The following HS1BP3 variants were observed in gnomAD, a reference collection of about 807,000 sequenced individuals.
The protein encoded by HS1BP3 is HCLS1-binding protein 3.
Under a neutral mutation model 33.5 loss-of-function variants are expected in HS1BP3, and 32 were observed. That is an observed-to-expected ratio of 0.95 (90% CI 0.72 to 1.28). The LOEUF is 1.28. Among genes scored for constraint, HS1BP3 ranks in the 50% most tolerant of loss-of-function variants. HS1BP3 has a pLI of 0.00. For synonymous variants in HS1BP3, 187 were observed against 209.2 expected, an observed-to-expected ratio of 0.89 and a Z score of 0.92; for missense variants, 486 against 502.3, an observed-to-expected ratio of 0.97 and a Z score of 0.31.
In HS1BP3 at chr2:20,611,679, A is replaced by T. The variant is rs1262776055; in HGVS notation, c.178+12217T>A. ...CATGACCCACCTGGATCCAGTCCCCAGTCACATACCAGGGCCCCCTGGACA... is the reference window on the plus strand; with the variant it reads ...CATGACCCACCTGGATCCAGTCCCCTGTCACATACCAGGGCCCCCTGGACA... On this transcript the variant is annotated intron_variant, in intron 2 of 3. Transcript: ENST00000415264. The surrounding 1 kb of genome is among the most constrained non-coding windows in gnomAD (Gnocchi z 4.9). 6.6e-6 allele frequency among the ~76,000 whole-genome samples: 1 copy of T among 152,128 alleles called. No homozygotes were observed. Among genetic ancestry groups the T allele is most frequent in the Non-Finnish European group, 1.5e-5 (1 of 68,014 alleles).
rs142226229 is a variant in HS1BP3, at chr2:20,641,461, G to A, written c.199-281C>T. On this transcript the variant is annotated intron_variant, in intron 2 of 6. Coordinates refer to ENST00000304031, the MANE Select transcript of HS1BP3 (RefSeq NM_022460.4). The stretch of plus-strand genomic sequence containing the variant: ...TCCAGTTAACAAGATTTGATACAGG[G>A]ACCCCTGCCCAGCCTGCACGTGATC... 1.2e-3 allele frequency among the ~76,000 whole-genome samples: 189 copies of A among 152,248 alleles called. 1 individual carries two copies. Among genetic ancestry groups the A allele is most frequent in the African/African-American group, 4.3e-3 (180 of 41,532 alleles).
At chr2:20,579,729 G>A (rs1418155698) in intron 5 of HS1BP3, among the ~76,000 whole-genome samples, 1 of 152,186 alleles carries the variant, frequency 6.6e-6, no homozygotes, top group Non-Finnish European at 1.5e-5. Context: ...CTCCCTCCAG[G>A]ACCAGGGCCT....
intron 3 of HS1BP3, chr2:20,640,724 G>T: frequency 1.6e-6 from 1 of 606,354 alleles, no homozygotes; most frequent in Admixed American, 3.0e-5. Context: ...GCCATGGATG[G>T]GGTCACACTA....
chr2:20,635,739 T>C (rs1470603020), intron 4 of HS1BP3: 2 of 152,174 alleles, frequency 1.3e-5, no homozygotes, highest in Non-Finnish European at 2.9e-5. Context: ...GTTGCATGGA[T>C]GCTGCTGGGA....
chr2:20,581,967 A>T (rs1693544692), intron 5 of HS1BP3, among the ~76,000 whole-genome samples: 1 of 152,224 alleles, frequency 6.6e-6, no homozygotes, highest in Non-Finnish European at 1.5e-5. Flanking sequence ...TCGACTCAGG[A>T]AGAGCCCAGT....
At chr2:20,595,401 G>A (rs1050748335) in intron 3 of HS1BP3, among the ~76,000 whole-genome samples, 3 of 152,168 alleles carry the variant, frequency 2.0e-5, no homozygotes, top group Non-Finnish European at 4.4e-5. Context: ...CTCACCAGGA[G>A]CAGAACCCTA....
intron 5 of HS1BP3, among the ~76,000 whole-genome samples, chr2:20,582,150 AT>A (rs1280800398): frequency 2.6e-5 from 4 of 152,198 alleles, no homozygotes; most frequent in African/African-American, 9.7e-5. Flanking sequence ...CAAGGAGAGG[AT>A]TTATGCAGGG....
intron 2 of HS1BP3, chr2:20,606,772 C>G (rs1558331975): frequency 5.0e-6 from 1 of 201,316 alleles, no homozygotes; most frequent in Non-Finnish European, 1.0e-5. Flanking sequence ...GAATAAATGC[C>G]TATGTAAATC....
At chr2:20,598,380 C>G in intron 2 of HS1BP3, 1 of 207,540 alleles carries the variant, frequency 4.8e-6, no homozygotes, top group South Asian at 6.4e-5. Flanking sequence ...GCTCGCACTC[C>G]TGTGAGAATC....
At chr2:20,623,843 T>C in intron 6 of HS1BP3, 53 bp downstream of exon 6, 1 of 1,554,980 alleles carries the variant, frequency 6.4e-7, no homozygotes, top group South Asian at 1.2e-5. Context: ...GGCCCTTGGC[T>C]CTGTCCAGAA....
At chr2:20,640,559 G>C (rs1572359531) in intron 3 of HS1BP3, 2 of 441,202 alleles carry the variant, frequency 4.5e-6, no homozygotes, top group East Asian at 6.4e-5. Flanking sequence ...CACCAGCCAG[G>C]CTGTGAGAAC....
At chr2:20,582,587 T>A (rs1693560275) in intron 5 of HS1BP3, among the ~76,000 whole-genome samples, 1 of 152,056 alleles carries the variant, frequency 6.6e-6, no homozygotes, top group African/African-American at 2.4e-5. Context: ...GTCAGCCCAT[T>A]ACATCATGGT....
downstream of HS1BP3, among the ~76,000 whole-genome samples, chr2:20,588,336 G>A (rs944055329): frequency 1.3e-5 from 2 of 152,064 alleles, no homozygotes; most frequent in Non-Finnish European, 2.9e-5. Flanking sequence ...ATTCCAAGCC[G>A]ATTGTTTGCT....
At chr2:20,643,321 T>C (rs1695416630) in intron 2 of HS1BP3, among the ~76,000 whole-genome samples, 1 of 152,224 alleles carries the variant, frequency 6.6e-6, no homozygotes, top group Non-Finnish European at 1.5e-5. Context: ...CCAAGTGGGC[T>C]GGGCGGCTGA....
intron 5 of HS1BP3, among the ~76,000 whole-genome samples, chr2:20,568,042 C>A: frequency 6.6e-6 from 1 of 152,150 alleles, no homozygotes; most frequent in East Asian, 1.9e-4. Context: ...CTCAGGACCA[C>A]CCCCACCACC....
chr2:20,617,667 T>C (rs566774828), downstream of HS1BP3, among the ~76,000 whole-genome samples: 1 of 152,258 alleles, frequency 6.6e-6, no homozygotes, highest in African/African-American at 2.4e-5. Context: ...TCTGAGGTCC[T>C]AGTCCCACCC....
intron 4 of HS1BP3, among the ~76,000 whole-genome samples, chr2:20,628,698 CAG>C (rs1261046750): frequency 6.6e-6 from 1 of 151,648 alleles, no homozygotes; most frequent in Admixed American, 6.6e-5. Context: ...CGGCAGAGCA[CAG>C]AGGACAGAGC....
chr2:20,606,532 C>A, intron 2 of HS1BP3: 1 of 480,134 alleles, frequency 2.1e-6, no homozygotes, highest in Admixed American at 2.3e-5. Context: ...TGGGCTTGTC[C>A]CGAACTATGT....
downstream of HS1BP3, among the ~76,000 whole-genome samples, chr2:20,617,630 C>A (rs1205978373): frequency 6.6e-6 from 1 of 151,840 alleles, no homozygotes; most frequent in Non-Finnish European, 1.5e-5. Context: ...TCCCTCAGGG[C>A]TGGCTTTGGT....
Sources: allele counts gnomAD v4.1 joint callset (sites outside exome capture counted in the v4.1 genomes callset), GRCh38; gene constraint gnomAD v4.1.1; non-coding constraint Gnocchi (gnomAD v3.1); transcripts MANE v1.5; gene names NCBI Gene and HGNC (gene_info 2026-07-23, HGNC 2026-07-21).